KIAA1328: variants seen among roughly 807,000 people sequenced by gnomAD.
KIAA1328 encodes the protein protein hinderin.
KIAA1328 carries 52 observed loss-of-function variants against 68.1 expected under a neutral mutation model. That is an observed-to-expected ratio of 0.76 (90% CI 0.61 to 0.96). The LOEUF (loss-of-function observed/expected upper bound fraction) is 0.96, where lower values mean the gene tolerates loss of function less well. KIAA1328 is among the 40% of genes least tolerant of loss of function. KIAA1328 has a pLI of 0.00. For missense variants in KIAA1328, 641 were observed against 677.6 expected (o/e 0.95, Z 0.60); for synonymous variants, 232 against 239.4 (o/e 0.97, Z 0.28).
intron 7 of KIAA1328, among the ~76,000 whole-genome samples, chr18:37,068,679 T>C (rs912554528): frequency 6.6e-6 from 1 of 152,224 alleles, no homozygotes; most frequent in East Asian, 1.9e-4. Flanking sequence ...ATTTGGGTGT[T>C]TTGCTGTTTG....
intron 7 of KIAA1328, among the ~76,000 whole-genome samples, chr18:37,093,606 G>C (rs1426348848): frequency 6.6e-6 from 1 of 152,114 alleles, no homozygotes; most frequent in Admixed American, 6.6e-5. Context: ...AGACAAAAAA[G>C]AAAGAATAGA....
intron 8 of KIAA1328, among the ~76,000 whole-genome samples, chr18:37,165,295 T>C (rs1042458835): frequency 6.6e-6 from 1 of 152,194 alleles, no homozygotes; most frequent in South Asian, 2.1e-4. Flanking sequence ...TATTACAATA[T>C]AGAATACAAT....
At chr18:36,956,483 A>G (rs1288875699) in intron 5 of KIAA1328, among the ~76,000 whole-genome samples, 1 of 150,018 alleles carries the variant, frequency 6.7e-6, no homozygotes, top group Non-Finnish European at 1.5e-5. Context: ...CATTTTCCTA[A>G]CATAAATCTT....
At chr18:37,027,076 TAAC>T (rs1421427113) in intron 6 of KIAA1328, among the ~76,000 whole-genome samples, 2 of 151,236 alleles carry the variant, frequency 1.3e-5, no homozygotes, top group African/African-American at 2.4e-5. Flanking sequence ...TTTACACCAA[TAAC>T]AAACAGAGAG....
At chr18:37,136,524 A>C (rs186146086) in intron 7 of KIAA1328, among the ~76,000 whole-genome samples, 1 of 152,218 alleles carries the variant, frequency 6.6e-6, no homozygotes, top group Non-Finnish European at 1.5e-5. Context: ...ACTAACTCAG[A>C]GTTCTATTGT....
chr18:37,174,072 T>G (rs931385229), intron 9 of KIAA1328, among the ~76,000 whole-genome samples: 2 of 152,232 alleles, frequency 1.3e-5, no homozygotes, highest in African/African-American at 4.8e-5. Context: ...ATCTATTAAG[T>G]ATCTGCCATG....
intron 6 of KIAA1328, among the ~76,000 whole-genome samples, chr18:37,047,194 A>G (rs935386935): frequency 3.9e-5 from 6 of 152,200 alleles, no homozygotes; most frequent in Non-Finnish European, 5.9e-5. Context: ...GAACATTTTA[A>G]TTTTAATACA....
chr18:36,884,399 C>T (rs80187102), intron 4 of KIAA1328, among the ~76,000 whole-genome samples: 83 of 152,130 alleles, frequency 5.5e-4, no homozygotes, highest in African/African-American at 1.9e-3. Context: ...CTATGATAAG[C>T]GAGAAGAAAT....
intron 7 of KIAA1328, among the ~76,000 whole-genome samples, chr18:37,142,467 ATTACAGGC>A (rs2058788535): frequency 6.6e-6 from 1 of 152,124 alleles, no homozygotes; most frequent in Non-Finnish European, 1.5e-5. Context: ...AAGTGCTGGG[ATTACAGGC>A]GTGAGCTACC....
intron 4 of KIAA1328, among the ~76,000 whole-genome samples, chr18:36,856,283 C>T (rs1330129117): frequency 1.3e-5 from 2 of 152,020 alleles, no homozygotes; most frequent in Non-Finnish European, 2.9e-5. Flanking sequence ...CTTTCTTTCT[C>T]TCTTCTTCCT....
At chr18:36,949,597 T>TCC (rs71168248) in intron 5 of KIAA1328, among the ~76,000 whole-genome samples, 1,803 of 57,212 alleles carry the variant, frequency 0.032, 46 homozygotes, top group Middle Eastern at 0.052. Context: ...TCTACCCAGC[T>TCC]CCCCCCCCCC....
intron 4 of KIAA1328, among the ~76,000 whole-genome samples, chr18:36,868,954 C>G (rs56822468): frequency 6.6e-6 from 1 of 151,092 alleles, no homozygotes; most frequent in African/African-American, 2.4e-5. Context: ...TTAAACTGAT[C>G]GTAACTTTTT....
At chr18:37,000,545 A>G (rs1248690743) in intron 6 of KIAA1328, among the ~76,000 whole-genome samples, 1 of 152,134 alleles carries the variant, frequency 6.6e-6, no homozygotes. Context: ...CAGAATATAC[A>G]TTCCTTTCAT....
At chr18:36,880,306 C>T (rs545325286) in intron 4 of KIAA1328, among the ~76,000 whole-genome samples, 9 of 152,246 alleles carry the variant, frequency 5.9e-5, no homozygotes, top group African/African-American at 7.2e-5. Context: ...CTTGCGCTTC[C>T]GGGGTAAGGT....
rs925621600 is a variant in KIAA1328, at chr18:37,157,862, G to C, written c.1233-2338G>C. 2.7e-5 allele frequency among the ~76,000 whole-genome samples: 4 copies of C among 147,986 alleles called. No homozygotes were observed. The East Asian group carries it at 7.9e-4, about 29-fold the overall frequency. ...CCTCATTCTTTTTAATGGCTGAATAGTGTTCTTTATAATTAATATGTACCA... is the reference window on the plus strand; with the variant it reads ...CCTCATTCTTTTTAATGGCTGAATACTGTTCTTTATAATTAATATGTACCA... On this transcript the variant is annotated intron_variant, in intron 7 of 9. Transcript: ENST00000280020.
intron 6 of KIAA1328, among the ~76,000 whole-genome samples, chr18:37,028,189 T>G (rs2054671282): frequency 6.6e-6 from 1 of 152,196 alleles, no homozygotes; most frequent in Non-Finnish European, 1.5e-5. Context: ...TTATATTCAT[T>G]TAGAGTAATG....
chr18:36,904,338 A>T (rs1038931351), intron 5 of KIAA1328, among the ~76,000 whole-genome samples: 1 of 152,050 alleles, frequency 6.6e-6, no homozygotes, highest in Non-Finnish European at 1.5e-5. Context: ...AATATCTCTG[A>T]GTGTAATATA....
At chr18:36,994,491 G>GTGAA (rs1332249310) in intron 6 of KIAA1328, among the ~76,000 whole-genome samples, 2 of 152,160 alleles carry the variant, frequency 1.3e-5, no homozygotes, top group Admixed American at 6.5e-5. Context: ...TGATCCTGAT[G>GTGAA]TGAACCCTAG....
chr18:36,906,521 TATTTC>T (rs1303095595), intron 5 of KIAA1328, among the ~76,000 whole-genome samples: 1 of 152,182 alleles, frequency 6.6e-6, no homozygotes, highest in Non-Finnish European at 1.5e-5. Context: ...CATTGCCTAA[TATTTC>T]ATTTGTTTTT....
Sources: allele counts gnomAD v4.1 joint callset (sites outside exome capture counted in the v4.1 genomes callset), GRCh38; gene constraint gnomAD v4.1.1; transcripts MANE v1.5; gene names NCBI Gene and HGNC (gene_info 2026-07-23, HGNC 2026-07-21).